Variants in LHFPL3 observed in about 807,000 individuals in gnomAD.
LHFPL3 encodes LHFPL tetraspan subfamily member 3 protein.
A neutral mutation model predicts 19.3 loss-of-function variants in LHFPL3; 5 were observed. That is an observed-to-expected ratio of 0.26 (90% confidence interval 0.14 to 0.54). The LOEUF (loss-of-function observed/expected upper bound fraction) is 0.54. Ranked by LOEUF, LHFPL3 falls within the 20% of genes least tolerant of loss-of-function variation. The probability of loss-of-function intolerance (pLI) is 0.94; values close to 1 mark genes in which losing one functional copy is unlikely to be tolerated. For missense variants in LHFPL3, 249 were observed against 307.4 expected, an observed-to-expected ratio of 0.81 and a Z score of 1.42; for synonymous variants, 133 against 126.2, an observed-to-expected ratio of 1.05 and a Z score of -0.36.
intron 1 of LHFPL3, among the ~76,000 whole-genome samples, chr7:104,635,829 A>G (rs1005087878): frequency 6.6e-6 from 1 of 152,058 alleles, no homozygotes; most frequent in Non-Finnish European, 1.5e-5. Flanking sequence ...CAGTCCATCA[A>G]AGATGCAATA....
At chr7:104,842,590 A>C in intron 2 of LHFPL3, among the ~76,000 whole-genome samples, 1 of 152,182 alleles carries the variant, frequency 6.6e-6, no homozygotes, top group East Asian at 1.9e-4. Context: ...CCTCAACACA[A>C]AAAGCGTAAC....
chr7:104,865,245 G>C (rs1791698088), intron 2 of LHFPL3, among the ~76,000 whole-genome samples: 1 of 152,188 alleles, frequency 6.6e-6, no homozygotes, highest in Non-Finnish European at 1.5e-5. Flanking sequence ...GACGAGTTGA[G>C]AGAAGAAGGC....
At chr7:104,773,061 C>T (rs1288314534) in intron 2 of LHFPL3, among the ~76,000 whole-genome samples, 1 of 152,118 alleles carries the variant, frequency 6.6e-6, no homozygotes, top group African/African-American at 2.4e-5. Context: ...GTGGGCTTTC[C>T]CCTGTAGTAT....
chr7:104,609,287 A>G (rs528966713), intron 1 of LHFPL3, among the ~76,000 whole-genome samples: 2 of 152,030 alleles, frequency 1.3e-5, no homozygotes, highest in Non-Finnish European at 2.9e-5. Context: ...AGAAAAAAAA[A>G]GTTAGCCACA....
intron 1 of LHFPL3, among the ~76,000 whole-genome samples, chr7:104,652,783 A>G (rs760373702): frequency 2.0e-5 from 3 of 152,202 alleles, no homozygotes; most frequent in Non-Finnish European, 2.9e-5. Context: ...GGTAACTACT[A>G]TAGTAGGGAA....
intron 1 of LHFPL3, among the ~76,000 whole-genome samples, chr7:104,375,555 G>A (rs771871276): frequency 6.6e-6 from 1 of 152,090 alleles, no homozygotes; most frequent in Non-Finnish European, 1.5e-5. Flanking sequence ...TGGACTTGAT[G>A]AAAAGTAATC....
At chr7:104,451,312 T>C (rs566695480) in intron 1 of LHFPL3, among the ~76,000 whole-genome samples, 1 of 152,314 alleles carries the variant, frequency 6.6e-6, no homozygotes, top group African/African-American at 2.4e-5. Context: ...TAAGCTTGGC[T>C]GCCATGTTCG....
intron 1 of LHFPL3, among the ~76,000 whole-genome samples, chr7:104,704,119 TGTG>T (rs1391472502): frequency 1.3e-5 from 2 of 152,166 alleles, no homozygotes; most frequent in African/African-American, 4.8e-5. Flanking sequence ...TCTCCCAAAC[TGTG>T]TTCAATGATA....
chr7:104,641,650 G>A lies in LHFPL3; in HGVS notation c.446-95025G>A, dbSNP rs79915077. Among the ~76,000 whole-genome samples the A allele has an allele frequency of 2.1e-4, 32 of 152,212 alleles. No homozygotes were observed. In the East Asian group the frequency reaches 6.2e-3, roughly 29 times the overall value. On this transcript the variant is annotated intron_variant, in intron 1 of 2. Coordinates refer to ENST00000424859, the MANE Select transcript of LHFPL3 (RefSeq NM_199000.3). ...ATAGTCACTCTGCTGATGCGCTCTG[G>A]CCTGTGGTTTCCATGACAAATTCCT...
At chr7:104,567,808 G>T (rs1562937322) in intron 1 of LHFPL3, among the ~76,000 whole-genome samples, 1 of 152,238 alleles carries the variant, frequency 6.6e-6, no homozygotes, top group Middle Eastern at 3.4e-3. Flanking sequence ...CCTCAGCATG[G>T]ACATAGTGCT....
chr7:104,380,327 C>T (rs1159218197), intron 1 of LHFPL3, among the ~76,000 whole-genome samples: 1 of 152,018 alleles, frequency 6.6e-6, no homozygotes, highest in Non-Finnish European at 1.5e-5. Context: ...CAGCAATGAA[C>T]ATTAAGAGAT....
intron 2 of LHFPL3, among the ~76,000 whole-genome samples, chr7:104,741,985 C>A (rs1793945118): frequency 5.9e-5 from 9 of 152,154 alleles, no homozygotes; most frequent in Admixed American, 5.9e-4. Context: ...GGGAGTTCAG[C>A]AGCATGATTT....
At chr7:104,858,746 C>A (rs1480214833) in intron 2 of LHFPL3, among the ~76,000 whole-genome samples, 1 of 152,162 alleles carries the variant, frequency 6.6e-6, no homozygotes, top group Non-Finnish European at 1.5e-5. Flanking sequence ...TACTATTCCT[C>A]CTGAGTTCTT....
In LHFPL3 at chr7:104,347,499, T is replaced by G. The variant is rs1443927197; in HGVS notation, c.445+18275T>G. The stretch of plus-strand genomic sequence containing the variant: ...GGTGAAGGGTTGCAAGGAGCTGTAA[T>G]GGCTCCTTGTAGCCTTTTTGCTAGA... On this transcript the variant is annotated intron_variant, in intron 1 of 2. Transcript: ENST00000424859. Among the ~76,000 whole-genome samples, 3 of 152,188 alleles carry G rather than the reference T, an allele frequency of 2.0e-5. No individual in the cohort carries two copies. In the East Asian group the frequency reaches 5.8e-4, roughly 29 times the overall value.
chr7:104,385,692 T>G (rs1790927907), intron 1 of LHFPL3, among the ~76,000 whole-genome samples: 1 of 127,374 alleles, frequency 7.9e-6, no homozygotes, highest in Non-Finnish European at 1.7e-5. Flanking sequence ...TCAAGAAGTA[T>G]AATGAGTTTT....
chr7:104,792,524 T>A lies in LHFPL3; in HGVS notation c.682+55613T>A, dbSNP rs891590924. Reference sequence around the variant, plus strand: ...ATTGGCTCTTACAGTTCCTCGAGACTGCTGCCTCTGGGTAAGAGAGTACGA... The same window carrying A: ...ATTGGCTCTTACAGTTCCTCGAGACAGCTGCCTCTGGGTAAGAGAGTACGA... On this transcript the variant is annotated intron_variant, in intron 2 of 2. Coordinates refer to ENST00000424859, the MANE Select transcript of LHFPL3 (RefSeq NM_199000.3). Among the ~76,000 whole-genome samples, 4 of 152,222 alleles carry A rather than the reference T, an allele frequency of 2.6e-5. No individual in the cohort carries two copies. The East Asian group carries it at 5.8e-4, about 22-fold the overall frequency.
At chr7:104,439,532 C>G (rs567416526) in intron 1 of LHFPL3, among the ~76,000 whole-genome samples, 42 of 151,974 alleles carry the variant, frequency 2.8e-4, no homozygotes, top group Admixed American at 2.4e-3. Context: ...TATAAATGGA[C>G]TAAAATACCA....
At chr7:104,893,544 T>C (rs2116710405) in intron 2 of LHFPL3, among the ~76,000 whole-genome samples, 1 of 151,988 alleles carries the variant, frequency 6.6e-6, no homozygotes, top group South Asian at 2.1e-4. Flanking sequence ...TAAAATTAAA[T>C]AACTATATAG....
chr7:104,645,908 C>G (rs1791925720), intron 1 of LHFPL3, among the ~76,000 whole-genome samples: 1 of 152,026 alleles, frequency 6.6e-6, no homozygotes, highest in Admixed American at 6.6e-5. Flanking sequence ...GATCTGCCCG[C>G]CTCGGCCTCC....
Sources: gnomAD v4.1 joint callset for allele counts (sites outside exome capture counted in the v4.1 genomes callset) on GRCh38, gnomAD v4.1.1 for gene constraint, MANE v1.5 for transcripts, NCBI Gene and HGNC (gene_info 2026-07-23, HGNC 2026-07-21) for gene names.